Variants in SGPP2 observed in about 807,000 individuals in gnomAD.
SGPP2 encodes the protein sphingosine-1-phosphate phosphatase 2.
A neutral mutation model predicts 33.9 loss-of-function variants in SGPP2; 30 were observed. That is an observed-to-expected ratio of 0.89 (90% CI 0.66 to 1.20). The LOEUF is 1.20. Ranked by LOEUF, SGPP2 falls within the 50% of genes most tolerant of loss-of-function variation. SGPP2 has a pLI of 0.00. For synonymous variants in SGPP2, 233 were observed against 225.0 expected (o/e 1.04, Z -0.32); for missense variants, 458 against 532.1 (o/e 0.86, Z 1.37).
intron 2 of SGPP2, among the ~76,000 whole-genome samples, chr2:222,491,320 G>A (rs1158997369): frequency 6.6e-6 from 1 of 152,072 alleles, no homozygotes; most frequent in Non-Finnish European, 1.5e-5. Flanking sequence ...TTTTTTTGTA[G>A]AGACAGGGTC....
intron 2 of SGPP2, among the ~76,000 whole-genome samples, chr2:222,512,290 C>T (rs1419511277): frequency 2.0e-5 from 3 of 152,124 alleles, no homozygotes; most frequent in East Asian, 1.9e-4. Context: ...GGATTACAGG[C>T]GTGAACCACC....
intron 1 of SGPP2, among the ~76,000 whole-genome samples, chr2:222,426,209 C>CAAAAAAA (rs59881994): frequency 1.7e-5 from 1 of 58,744 alleles, no homozygotes; most frequent in Non-Finnish European, 3.2e-5. Context: ...GACTCCGTCT[C>CAAAAAAA]AAAAAAAAAA....
chr2:222,432,019 G>A (rs1697164808), intron 1 of SGPP2, among the ~76,000 whole-genome samples: 1 of 152,234 alleles, frequency 6.6e-6, no homozygotes, highest in South Asian at 2.1e-4. Flanking sequence ...GCTGCAGCCA[G>A]AGTTTTAGGC....
intron 1 of SGPP2, among the ~76,000 whole-genome samples, chr2:222,467,688 A>AG (rs1406707691): frequency 6.6e-6 from 1 of 152,090 alleles, no homozygotes; most frequent in Admixed American, 6.6e-5. Flanking sequence ...GCCACTGTGG[A>AG]GGGAAGGCTG....
intron 1 of SGPP2, among the ~76,000 whole-genome samples, chr2:222,467,153 C>G (rs1277632534): frequency 6.6e-6 from 1 of 152,158 alleles, no homozygotes; most frequent in Non-Finnish European, 1.5e-5. Flanking sequence ...GGTCCACGGG[C>G]CAGCAACATG....
At chr2:222,434,317 A>G (rs892456819) in intron 1 of SGPP2, among the ~76,000 whole-genome samples, 3 of 152,198 alleles carry the variant, frequency 2.0e-5, no homozygotes, top group African/African-American at 7.2e-5. Context: ...TAATAATTGT[A>G]TATGTTTATG....
chr2:222,508,173 T>C (rs1698473879), intron 2 of SGPP2, among the ~76,000 whole-genome samples: 1 of 152,208 alleles, frequency 6.6e-6, no homozygotes, highest in Non-Finnish European at 1.5e-5. Flanking sequence ...CCAAGGACAC[T>C]CAGCGTCCTC....
intron 4 of SGPP2, among the ~76,000 whole-genome samples, chr2:222,541,232 T>C (rs1036628576): frequency 6.6e-6 from 1 of 152,178 alleles, no homozygotes; most frequent in Non-Finnish European, 1.5e-5. Context: ...CTGTGGCAAG[T>C]GTGGAGTTGT....
At chr2:222,424,079 G>A, upstream of SGPP2, among the ~76,000 whole-genome samples, 1 of 152,166 alleles carries the variant, frequency 6.6e-6, no homozygotes, top group South Asian at 2.1e-4. Context: ...TTGCAGGAAG[G>A]TGAGAGTACG....
chr2:222,509,489 A>G (rs1698493170), intron 2 of SGPP2, among the ~76,000 whole-genome samples: 1 of 152,220 alleles, frequency 6.6e-6, no homozygotes, highest in South Asian at 2.1e-4. Flanking sequence ...TTGTTCTGAA[A>G]ATGAATCCTG....
chr2:222,546,825 C>A (rs538469477), intron 4 of SGPP2, among the ~76,000 whole-genome samples: 119 of 116,374 alleles, frequency 1.0e-3, no homozygotes, highest in Admixed American at 1.6e-3. Flanking sequence ...ACACATGTTG[C>A]AAAAAAAAAA....
intron 4 of SGPP2, among the ~76,000 whole-genome samples, chr2:222,551,078 CAT>C (rs1689285730): frequency 6.6e-6 from 1 of 152,142 alleles, no homozygotes; most frequent in South Asian, 2.1e-4. Flanking sequence ...TTTTTGCTCT[CAT>C]GTCTTTCCCT....
At chr2:222,558,254 T>A (rs1027287537) in intron 4 of SGPP2, 93 bp from the exon 5 acceptor site, 3 of 1,338,214 alleles carry the variant, frequency 2.2e-6, no homozygotes, top group African/African-American at 2.9e-5. Context: ...AATTGTGTTT[T>A]AAATATCAAA....
At chr2:222,491,785 C>A (rs982763721) in intron 2 of SGPP2, among the ~76,000 whole-genome samples, 5 of 152,138 alleles carry the variant, frequency 3.3e-5, no homozygotes, top group Admixed American at 1.3e-4. Flanking sequence ...CAGTATTAAT[C>A]AAAAAATCCA....
At chr2:222,499,751 T>C (rs1698338935) in intron 2 of SGPP2, among the ~76,000 whole-genome samples, 1 of 152,062 alleles carries the variant, frequency 6.6e-6, no homozygotes, top group Admixed American at 6.5e-5. Flanking sequence ...TTCAGTGTCA[T>C]GTGAGTTTTT....
intron 1 of SGPP2, among the ~76,000 whole-genome samples, chr2:222,425,291 A>G (rs555991611): frequency 2.7e-4 from 40 of 150,386 alleles, no homozygotes; most frequent in Admixed American, 6.6e-4. Context: ...ACCGCGCTGC[A>G]CCGCCAGCTC....
At position 222,436,840 on chromosome 2, in the gene SGPP2, C is replaced by T. The variant is rs150071853; in HGVS notation, c.219+12019C>T. 4.7e-4 allele frequency among the ~76,000 whole-genome samples: 71 copies of T among 152,314 alleles called. No individual in the cohort carries two copies. In the East Asian group the frequency reaches 6.6e-3, roughly 14 times the overall value. ...ACCAGGTAGCCGGCTGATCACCCAA[C>T]GGAATGGTGCCATATCGAGGGCTCA... On this transcript the variant is annotated intron_variant, in intron 1 of 4. Coordinates refer to ENST00000321276, the MANE Select transcript of SGPP2 (RefSeq NM_152386.4).
At chr2:222,548,220 G>T (rs1689235091) in intron 4 of SGPP2, among the ~76,000 whole-genome samples, 1 of 152,176 alleles carries the variant, frequency 6.6e-6, no homozygotes, top group African/African-American at 2.4e-5. Context: ...TAATCCTGGG[G>T]TGGCCTTTGC....
chr2:222,490,603 A>AAT (rs1698181926), intron 2 of SGPP2, among the ~76,000 whole-genome samples: 1 of 99,922 alleles, frequency 1.0e-5, no homozygotes. Flanking sequence ...ACACCTGGCT[A>AAT]ATTTTTTTTT....
Sources: allele counts gnomAD v4.1 joint callset (sites outside exome capture counted in the v4.1 genomes callset), GRCh38; gene constraint gnomAD v4.1.1; transcripts MANE v1.5; gene names NCBI Gene and HGNC (gene_info 2026-07-23, HGNC 2026-07-21).